FAT2: variants seen among roughly 807,000 people sequenced by gnomAD.
The protein encoded by FAT2 is FAT atypical cadherin 2, also known as protocadherin Fat 2.
A neutral mutation model predicts 295.3 loss-of-function variants in FAT2; 150 were observed. The ratio of observed to expected loss-of-function variants is 0.51; its 90% CI spans 0.44 to 0.58. FAT2 has a LOEUF of 0.58. FAT2 is among the 20% of genes least tolerant of loss of function. The pLI, the probability that FAT2 is intolerant of heterozygous loss-of-function variation, is 0.00. For synonymous variants in FAT2, 2,026 were observed against 2,150.3 expected (o/e 0.94, Z 1.60); for missense variants, 4,868 against 5,442.7 (o/e 0.89, Z 3.32).
rs749471429 is a variant in FAT2 at position 151,542,563 on chromosome 5, C to T, written c.8564G>A (p.Gly2855Asp). The change falls in exon 10 of 24, where the codon GGT (glycine) becomes GAT (aspartate). Residue 2855 changes from glycine (G) to aspartate (D), a missense_variant. Physicochemically the swap from Gly to Asp is moderately conservative, Grantham distance 94. Around this residue, in one of 5 missense-constraint regions of FAT2, gnomAD observed 3,297 missense variants for 3,669.4 expected, o/e 0.90. Transcript: ENST00000261800. ...HELFAIDSES[G>D]WITTLQELDC... The stretch of plus-strand genomic sequence containing the variant: ...AAGTTCCTGGAGTGTGGTGATCCAA[C>T]CACTCTCACTGTCAATGGCAAAGAG... 2 of 1,614,042 alleles carry T rather than the reference C, an allele frequency of 1.2e-6. No homozygotes were observed. The highest frequency in any genetic ancestry group is 1.3e-5 in the African/African-American group (1 of 74,910).
At position 151,565,841 on chromosome 5, in the gene FAT2, G is replaced by A. The variant is rs377729927; in HGVS notation, c.3091C>T (p.His1031Tyr). ...LDVNENLHPP[H>Y]FASFVHQGQV... is the part of the protein sequence containing the mutation. ...CCCTGGTGCACGAAGGAGGCAAAGT[G>A]GGGAGGGTGGAGATTCTCATTCACA... The change falls in exon 2 of 24, where the codon CAC becomes TAC. Residue 1031 changes from histidine (H) to tyrosine (Y), a missense_variant. Physicochemically the swap from His to Tyr is moderately conservative, Grantham distance 83. Around this residue, in one of 5 missense-constraint regions of FAT2, gnomAD observed 3,297 missense variants for 3,669.4 expected, o/e 0.90. Coordinates refer to ENST00000261800, the MANE Select transcript of FAT2 (RefSeq NM_001447.3). 3.1e-6 allele frequency: 5 copies of A among 1,614,022 alleles called. No homozygotes were observed. The highest frequency in any genetic ancestry group is 4.2e-6 in the Non-Finnish European group (5 of 1,180,032).
chr5:151,548,158 A>G (rs1039041981), intron 9 of FAT2, among the ~76,000 whole-genome samples: 1 of 152,172 alleles, frequency 6.6e-6, no homozygotes, highest in African/African-American at 2.4e-5. Flanking sequence ...AGGTAAAGCT[A>G]CTGGCTTTAT....
chr5:151,507,699 T>G, intron 22 of FAT2, 88 bp from the exon 23 acceptor site: 1 of 1,248,042 alleles, frequency 8.0e-7, no homozygotes, highest in East Asian at 2.6e-5. Context: ...TAGAGACTGC[T>G]CCCCCCAAAA....
rs1277101634 is a variant in FAT2 at position 151,554,654 on chromosome 5, C to G, written c.3653G>C (p.Gly1218Ala). Residue 1218 changes from glycine (G) to alanine (A), a missense_variant, in exon 5 of 24, where the codon GGG becomes GCG. By Grantham distance (60) the Gly-to-Ala change is moderately conservative (BLOSUM62 0). This residue lies in a region of FAT2 where 3,297 missense variants were observed against 3,669.4 expected (regional missense o/e 0.90). Coordinates refer to ENST00000261800, the MANE Select transcript of FAT2 (RefSeq NM_001447.3). ...HILEVTVLDN[G>A]EPSLKSTSRV... ...GGAGGTGGACTTCAGTGAGGGTTCC[C>G]CATTGTCCAGCACAGTCACCTGGGA... 6.2e-6 allele frequency: 10 copies of G among 1,613,382 alleles called. No individual in the cohort carries two copies. Among genetic ancestry groups the G allele is most frequent in the Non-Finnish European group, 8.5e-6 (10 of 1,179,832 alleles).
At chr5:151,574,873 C>A (rs1003626415) in intron 1 of FAT2, among the ~76,000 whole-genome samples, 1 of 152,316 alleles carries the variant, frequency 6.6e-6, no homozygotes, top group African/African-American at 2.4e-5. Context: ...GTGGCTTGAG[C>A]CATTGATGGG....
chr5:151,512,715 G>T lies in FAT2; in HGVS notation c.11464-109C>A. 1 of 1,054,766 alleles carries T rather than the reference G, an allele frequency of 9.5e-7. No individual in the cohort carries two copies. The highest frequency in any genetic ancestry group is 1.6e-5 in the African/African-American group (1 of 62,314). 65.3% of individuals were successfully genotyped at this position (1,054,766 alleles called of 1,614,324 possible). A position where few individuals can be genotyped will look rare whatever the true frequency, so the allele number is the denominator to read the frequency against. On this transcript the variant is annotated intron_variant, in intron 20 of 23. Coordinates refer to ENST00000261800, the MANE Select transcript of FAT2 (RefSeq NM_001447.3). This position sits in a 1 kb window ranked among gnomAD's most constrained non-coding sequence, Gnocchi z 4.1. The stretch of plus-strand genomic sequence containing the variant: ...GTTTGTATTTTTATGGGTAGGAGGG[G>T]GGTGTTTGGCTGTTTTAGACATGGC...
intron 18 of FAT2, among the ~76,000 whole-genome samples, chr5:151,524,771 TTCAG>T (rs1753822869): frequency 6.6e-6 from 1 of 152,084 alleles, no homozygotes; most frequent in Admixed American, 6.6e-5. Context: ...CTCAAGCCAC[TTCAG>T]GCTCTTTCCC....
At chr5:151,584,457 G>T (rs1314965075) in intron 1 of FAT2, among the ~76,000 whole-genome samples, 6 of 152,268 alleles carry the variant, frequency 3.9e-5, no homozygotes, top group African/African-American at 1.4e-4. Context: ...AGCAAGTCAA[G>T]GCCAGGAGAT....
Position 151,505,207 on chromosome 5 carries a change from T to C in FAT2, c.*358A>G, listed in dbSNP as rs189751824. ...GGTATGAGAATGCATCTTGGTGAAGTTGAGCCAGCACAGTCAATCAGGCTC... is the reference window on the plus strand; with the variant it reads ...GGTATGAGAATGCATCTTGGTGAAGCTGAGCCAGCACAGTCAATCAGGCTC... On this transcript the variant is annotated 3_prime_UTR_variant, in exon 24 of 24. Transcript: ENST00000261800. The C allele has an allele frequency of 2.2e-4, 79 of 353,414 alleles. No individual in the cohort carries two copies. Among genetic ancestry groups the C allele is most frequent in the African/African-American group, 9.7e-4 (45 of 46,614 alleles). 21.9% of individuals were successfully genotyped at this position (353,414 alleles called of 1,614,324 possible).
chr5:151,580,895 A>T (rs1238569175), intron 1 of FAT2, among the ~76,000 whole-genome samples: 1 of 152,202 alleles, frequency 6.6e-6, no homozygotes, highest in African/African-American at 2.4e-5. Context: ...CCAAGACACA[A>T]TAAATGGCCT....
Position 151,531,439 on chromosome 5 carries a change from G to T in FAT2, c.9811+148C>A. The T allele has an allele frequency of 5.2e-6, 6 of 1,153,056 alleles. No individual in the cohort carries two copies. The highest frequency in any genetic ancestry group is 7.3e-6 in the Non-Finnish European group (6 of 825,922). The allele number at this position is 1,153,056 out of a possible 1,614,324, so 71.4% of individuals were successfully genotyped here. On this transcript the variant is annotated intron_variant, in intron 14 of 23. Transcript: ENST00000261800. This position sits in a 1 kb window ranked among gnomAD's most constrained non-coding sequence, Gnocchi z 5.7. Reference sequence around the variant, plus strand: ...GGTGGAAGGAGGGACCTGGTACTCGGAGAGAAGCAGAAGAGAATGGAGAAA... The same window carrying T: ...GGTGGAAGGAGGGACCTGGTACTCGTAGAGAAGCAGAAGAGAATGGAGAAA...
In FAT2 at chr5:151,550,670, C is replaced by A. The variant is rs2127621780; in HGVS notation, c.4498G>T (p.Asp1500Tyr). 2 of 1,614,202 alleles carry A rather than the reference C, an allele frequency of 1.2e-6. No homozygotes were observed. The highest frequency in any genetic ancestry group is 1.7e-6 in the Non-Finnish European group (2 of 1,180,038). Reference protein sequence around the residue: ...DPGSASLFQLDPSSGVLVTVG... With the variant: ...DPGSASLFQLYPSSGVLVTVG... ...GTTACCAGGACACCACTGCTTGGGT[C>A]CAGCTGGAAGAGGCTGGCACTTCCT... The change falls in exon 8 of 24, where the codon GAC becomes TAC. Residue 1500 changes from aspartate (D) to tyrosine (Y), a missense_variant. Physicochemically the swap from Asp to Tyr is radical, Grantham distance 160 (BLOSUM62 -3). This residue lies in a region of FAT2 where 3,297 missense variants were observed against 3,669.4 expected (regional missense o/e 0.90). Coordinates refer to ENST00000261800, the MANE Select transcript of FAT2 (RefSeq NM_001447.3).
intron 19 of FAT2, among the ~76,000 whole-genome samples, chr5:151,519,342 TCAAAAA>T (rs1239493443): frequency 6.6e-6 from 1 of 152,150 alleles, no homozygotes; most frequent in African/African-American, 2.4e-5. Context: ...AGACTTCATC[TCAAAAA>T]CAAAAACAAA....
chr5:151,593,005 G>A (rs1420186907), upstream of FAT2, among the ~76,000 whole-genome samples: 1 of 152,210 alleles, frequency 6.6e-6, no homozygotes, highest in African/African-American at 2.4e-5. Context: ...AGGCTGCTAT[G>A]GTGTGTTGCT....
intron 22 of FAT2, 173 bp downstream of exon 22, chr5:151,509,848 C>G: frequency 1.5e-6 from 1 of 675,130 alleles, no homozygotes; most frequent in Non-Finnish European, 2.5e-6. Flanking sequence ...TCCATGAAAC[C>G]GGTCCCTGGT....
chr5:151,555,371 T>C (rs932697382), intron 4 of FAT2, among the ~76,000 whole-genome samples: 7 of 144,142 alleles, frequency 4.9e-5, no homozygotes, highest in Admixed American at 1.4e-4. Context: ...ATATTTCTTT[T>C]TTTTTTTTTT....
rs2127648946 is a variant in FAT2, at chr5:151,567,918, C to A, written c.1014G>T (p.Gly338=). The part of the protein sequence containing the change: ...GFNLSLQARS[G]SGPYFYSQIR... Reference sequence around the variant, plus strand: ...TCTGGGAATAAAAATAAGGGCCGCTCCCACTCCTGGCCTGGAGGCTGAGGT... The same window carrying A: ...TCTGGGAATAAAAATAAGGGCCGCTACCACTCCTGGCCTGGAGGCTGAGGT... The change falls in exon 2 of 24, where the codon GGG becomes GGT. Residue 338 remains glycine (G), a synonymous_variant. Transcript: ENST00000261800. The A allele has an allele frequency of 6.2e-7, 1 of 1,614,110 alleles. No individual in the cohort carries two copies. Among genetic ancestry groups the A allele is most frequent in the Admixed American group, 1.7e-5 (1 of 60,024 alleles).
chr5:151,544,315 G>A lies in FAT2; in HGVS notation c.6812C>T (p.Thr2271Ile), dbSNP rs904260479. ...LVEDVNDNPPTFSQLVYTTSI... is the reference protein window; with the variant it reads ...LVEDVNDNPPIFSQLVYTTSI... ...AGTGGTATAGACCAATTGGGAAAAA[G>A]TGGGAGGGTTATCATTGACATCCTC... The change falls in exon 10 of 24, where the codon ACT becomes ATT. Residue 2271 changes from threonine to isoleucine, a missense_variant. Thr to Ile is a moderately conservative substitution (Grantham distance 89). Coordinates refer to ENST00000261800, the MANE Select transcript of FAT2 (RefSeq NM_001447.3). 1 of 1,614,216 alleles carries A rather than the reference G, an allele frequency of 6.2e-7. No individual in the cohort carries two copies. Among genetic ancestry groups the A allele is most frequent in the Non-Finnish European group, 8.5e-7 (1 of 1,180,048 alleles).
In FAT2 at chr5:151,512,356, A is replaced by G; in HGVS notation, c.11714T>C (p.Val3905Ala). ...CAGGCAGCCTTCAAAGCCCTGGGAG[A>G]CATTCGAGGAAGAATGCAACAGAAT... ...GLILLHSSSN[V>A]SQGFEGCLDA... The change falls in exon 21 of 24, where the codon GTC (valine) becomes GCC (alanine). Residue 3905 changes from valine (V) to alanine (A), a missense_variant. Physicochemically the swap from Val to Ala is moderately conservative, Grantham distance 64. Transcript: ENST00000261800. The surrounding 1 kb of genome is among the most constrained non-coding windows in gnomAD (Gnocchi z 4.1). 6.2e-7 allele frequency: 1 copy of G among 1,614,202 alleles called. No individual in the cohort carries two copies. The highest frequency in any genetic ancestry group is 8.5e-7 in the Non-Finnish European group (1 of 1,180,024).
Sources: allele counts gnomAD v4.1 joint callset (sites outside exome capture counted in the v4.1 genomes callset), GRCh38; gene constraint gnomAD v4.1.1; regional missense constraint gnomAD v4.1.1; non-coding constraint Gnocchi (gnomAD v3.1); transcripts MANE v1.5; gene names NCBI Gene and HGNC (gene_info 2026-07-23, HGNC 2026-07-21).